Variants in HPSE2 observed in about 807,000 individuals in gnomAD.
HPSE2 encodes heparanase 2 (inactive).
A neutral mutation model predicts 60.5 loss-of-function variants in HPSE2; 38 were observed. The ratio of observed to expected loss-of-function variants is 0.63; its 90% CI spans 0.48 to 0.82. The LOEUF is 0.82. Among genes scored for constraint, HPSE2 ranks in the 40% least tolerant of loss-of-function variants. HPSE2 has a pLI of 0.00. For missense variants in HPSE2, 713 were observed against 740.4 expected, an observed-to-expected ratio of 0.96 and a Z score of 0.43; for synonymous variants, 295 against 293.2, an observed-to-expected ratio of 1.01 and a Z score of -0.06.
rs181379779 is a variant in HPSE2 at position 99,061,031 on chromosome 10, G to A, written c.610+83207C>T. On this transcript the variant is annotated intron_variant, in intron 3 of 11. Transcript: ENST00000370552. ...TATTTAAAAAAGTTTAAGCTCACAG[G>A]GTTTAAAATTTTACAGAAAAATGGG... 1.4e-4 allele frequency among the ~76,000 whole-genome samples: 22 copies of A among 151,854 alleles called. No individual in the cohort carries two copies. The East Asian group carries it at 3.1e-3, about 21-fold the overall frequency.
rs750132995 is a variant in HPSE2 at position 98,620,685 on chromosome 10, T to C, written c.1122A>G (p.Gly374=). 1 of 1,613,876 alleles carries C rather than the reference T, an allele frequency of 6.2e-7. No individual in the cohort carries two copies. The highest frequency in any genetic ancestry group is 2.2e-5 in the East Asian group (1 of 44,874). The change falls in exon 8 of 12, where the codon GGA becomes GGG. Residue 374 remains glycine (G), a synonymous_variant. Coordinates refer to ENST00000370552, the MANE Select transcript of HPSE2 (RefSeq NM_021828.5). ...CCACACCTTCAAGCCAAATCTTCTT[T>C]CCTGGAGTGTATGTATTAACCACCT... ...IQKVVNTYTP[G]KKIWLEGVVT...
chr10:98,896,929 T>C (rs752221164), intron 3 of HPSE2, among the ~76,000 whole-genome samples: 7 of 152,106 alleles, frequency 4.6e-5, no homozygotes, highest in Admixed American at 1.3e-4. Flanking sequence ...TAGGCCAATA[T>C]CTATTAAAGA....
chr10:99,041,181 G>C (rs1423838889), intron 3 of HPSE2, among the ~76,000 whole-genome samples: 4 of 152,074 alleles, frequency 2.6e-5, no homozygotes, highest in African/African-American at 7.2e-5. Flanking sequence ...GAAGTTCCAA[G>C]ATGGCTTACT....
At chr10:98,548,971 C>T (rs1943779044) in intron 9 of HPSE2, among the ~76,000 whole-genome samples, 1 of 152,162 alleles carries the variant, frequency 6.6e-6, no homozygotes, top group Admixed American at 6.5e-5. Flanking sequence ...CCCACAATTG[C>T]ACCTTCTTTC....
At chr10:98,940,781 A>G (rs1410959095) in intron 3 of HPSE2, among the ~76,000 whole-genome samples, 5 of 142,334 alleles carry the variant, frequency 3.5e-5, no homozygotes, top group Non-Finnish European at 7.5e-5. Flanking sequence ...ACACAACCAA[A>G]AAAGAGAATT....
At chr10:99,192,287 A>G (rs972015167) in intron 2 of HPSE2, among the ~76,000 whole-genome samples, 1 of 152,242 alleles carries the variant, frequency 6.6e-6, no homozygotes, top group East Asian at 1.9e-4. Flanking sequence ...AAAGAAGACT[A>G]TCTCTCAAGA....
rs186984487 is a variant in HPSE2, at chr10:98,466,295, G to A, written c.1614-6556C>T. On this transcript the variant is annotated intron_variant, in intron 11 of 11. Coordinates refer to ENST00000370552, the MANE Select transcript of HPSE2 (RefSeq NM_021828.5). ...CTGGCATAGCATATTTTGGGGCCTT[G>A]AGTGGGAGGTGAAGGGACTTAAAGA... 7.2e-5 allele frequency among the ~76,000 whole-genome samples: 11 copies of A among 152,260 alleles called. No individual in the cohort carries two copies. In the East Asian group the frequency reaches 2.1e-3, roughly 29 times the overall value.
chr10:98,916,265 T>C (rs1052836080), intron 3 of HPSE2, among the ~76,000 whole-genome samples: 3 of 152,230 alleles, frequency 2.0e-5, no homozygotes, highest in Non-Finnish European at 4.4e-5. Context: ...TTTTTGAGGA[T>C]GTGACAAATT....
rs529729527 is a variant in HPSE2, at chr10:99,063,964, G to T, written c.610+80274C>A. 6.6e-5 allele frequency among the ~76,000 whole-genome samples: 10 copies of T among 152,178 alleles called. No homozygotes were observed. The East Asian group carries it at 1.9e-3, about 30-fold the overall frequency. ...AAAAATTATCTGGGCATGGTGGCAC[G>T]TGCCTGTAATCCCAGCTACTCAGGA... On this transcript the variant is annotated intron_variant, in intron 3 of 11. Transcript: ENST00000370552.
rs193176370 is a variant in HPSE2 at position 98,619,523 on chromosome 10, T to C, written c.1205+1079A>G. ...TGTCTCTCTCCTTCACAATCTTCAG[T>C]GGCTTGCTGTGAATATAGAACAAGG... On this transcript the variant is annotated intron_variant, in intron 8 of 11. Coordinates refer to ENST00000370552, the MANE Select transcript of HPSE2 (RefSeq NM_021828.5). Among the ~76,000 whole-genome samples the C allele has an allele frequency of 2.8e-4, 43 of 152,348 alleles. No homozygotes were observed. In the East Asian group the frequency reaches 4.6e-3, roughly 16 times the overall value.
chr10:98,847,276 T>C (rs1472853150), intron 3 of HPSE2, among the ~76,000 whole-genome samples: 1 of 152,218 alleles, frequency 6.6e-6, no homozygotes, highest in East Asian at 1.9e-4. Flanking sequence ...TTAATTCTAA[T>C]CGTAATAGTA....
At chr10:99,286,200 T>C in the HPSE2 span, among the ~76,000 whole-genome samples, 3 of 152,228 alleles carry the variant, frequency 2.0e-5, no homozygotes, top group Non-Finnish European at 2.9e-5. Context: ...TTACCAACAA[T>C]ATGACCCAAC....
intron 7 of HPSE2, among the ~76,000 whole-genome samples, chr10:98,624,502 A>G (rs1464701047): frequency 1.3e-5 from 2 of 152,166 alleles, no homozygotes; most frequent in Non-Finnish European, 2.9e-5. Flanking sequence ...GAGTATTTTT[A>G]TTCTGAGTGT....
At chr10:98,900,317 C>A (rs926573386) in intron 3 of HPSE2, among the ~76,000 whole-genome samples, 3 of 151,906 alleles carry the variant, frequency 2.0e-5, no homozygotes, top group Non-Finnish European at 4.4e-5. Flanking sequence ...AAGCCAAAAC[C>A]CAGTACAAAC....
At chr10:98,854,456 T>C (rs1589952545) in intron 3 of HPSE2, among the ~76,000 whole-genome samples, 1 of 152,322 alleles carries the variant, frequency 6.6e-6, no homozygotes, top group East Asian at 1.9e-4. Context: ...AACTCATAAC[T>C]TTTCAACTTC....
At chr10:98,800,287 T>G (rs1461749840) in intron 3 of HPSE2, among the ~76,000 whole-genome samples, 2 of 151,822 alleles carry the variant, frequency 1.3e-5, no homozygotes, top group Non-Finnish European at 2.9e-5. Context: ...GAGGCTCTCT[T>G]GATCCCAGAA....
intron 11 of HPSE2, among the ~76,000 whole-genome samples, chr10:98,476,335 A>G (rs1591235743): frequency 1.0e-5 from 1 of 95,520 alleles, no homozygotes; most frequent in Admixed American, 1.3e-4. Flanking sequence ...GGGTGGGGGG[A>G]GGGGAGGGAT....
intron 9 of HPSE2, among the ~76,000 whole-genome samples, chr10:98,513,533 T>A (rs1437636409): frequency 6.6e-6 from 1 of 152,154 alleles, no homozygotes. Flanking sequence ...CCAGGTGTGC[T>A]GCAAGTGAAA....
At chr10:98,837,747 G>A (rs1345939937) in intron 3 of HPSE2, among the ~76,000 whole-genome samples, 5 of 152,158 alleles carry the variant, frequency 3.3e-5, no homozygotes, top group Admixed American at 6.5e-5. Context: ...GGTGGCGGGC[G>A]CCTGCAGTCC....
Sources: gnomAD v4.1 joint callset for allele counts (sites outside exome capture counted in the v4.1 genomes callset) on GRCh38, gnomAD v4.1.1 for gene constraint, MANE v1.5 for transcripts, NCBI Gene and HGNC (gene_info 2026-07-23, HGNC 2026-07-21) for gene names.